The following DLGAP1 variants were observed in gnomAD, a reference collection of about 807,000 sequenced individuals.
DLGAP1 encodes disks large-associated protein 1.
In DLGAP1, 11 loss-of-function variants were observed where a neutral mutation model predicts 90.8. The observed-to-expected ratio is 0.12, with a 90% CI of 0.08 to 0.20. The LOEUF (loss-of-function observed/expected upper bound fraction) is 0.20, where lower values mean the gene tolerates loss of function less well. Ranked by LOEUF, DLGAP1 falls within the 10% of genes least tolerant of loss-of-function variation. The probability of loss-of-function intolerance (pLI) is 1.00; values close to 1 mark genes in which losing one functional copy is unlikely to be tolerated. For missense variants in DLGAP1, 1,050 were observed against 1,333.8 expected, an observed-to-expected ratio of 0.79 and a Z score of 3.31; for synonymous variants, 558 against 540.7, an observed-to-expected ratio of 1.03 and a Z score of -0.44.
chr18:4,245,550 A>AT (rs2078636652), intron 1 of DLGAP1, among the ~76,000 whole-genome samples: 2 of 152,194 alleles, frequency 1.3e-5, no homozygotes, highest in African/African-American at 4.8e-5. Context: ...CAAAGCTATT[A>AT]TTTTTTATAA....
At chr18:4,142,380 A>ACCCAAC (rs1410001520) in intron 2 of DLGAP1, among the ~76,000 whole-genome samples, 1 of 152,190 alleles carries the variant, frequency 6.6e-6, no homozygotes, top group African/African-American at 2.4e-5. Context: ...TCCAATTAAC[A>ACCCAAC]ACATTACCAC....
chr18:4,005,436 T>C (rs1365338854), intron 2 of DLGAP1, among the ~76,000 whole-genome samples: 1 of 152,220 alleles, frequency 6.6e-6, no homozygotes, highest in African/African-American at 2.4e-5. Context: ...AATTTCTTTG[T>C]TGTGTTTTGG....
At chr18:3,567,415 C>T (rs1295961015) in intron 9 of DLGAP1, 75 bp downstream of exon 9, 7 of 1,270,710 alleles carry the variant, frequency 5.5e-6, no homozygotes, top group Non-Finnish European at 7.9e-6. Context: ...ATTTTGTAGA[C>T]TTATCACGGG....
At chr18:4,284,816 G>A (rs1204033018) in intron 1 of DLGAP1, among the ~76,000 whole-genome samples, 5 of 152,152 alleles carry the variant, frequency 3.3e-5, no homozygotes, top group Non-Finnish European at 5.9e-5. Flanking sequence ...TAAAATATTA[G>A]GCTGAAGAAC....
At chr18:3,502,299 A>C in intron 12 of DLGAP1, 194 bp downstream of exon 12, 1 of 1,326,686 alleles carries the variant, frequency 7.5e-7, no homozygotes, top group Non-Finnish European at 9.7e-7. Flanking sequence ...TTTTTCTTTA[A>C]AAATATGCCT....
chr18:3,833,277 A>G (rs1424285200), intron 4 of DLGAP1, among the ~76,000 whole-genome samples: 5 of 146,534 alleles, frequency 3.4e-5, no homozygotes, highest in African/African-American at 5.1e-5. Context: ...TTTCTCCCCC[A>G]GGCTGGAGTG....
chr18:3,641,115 G>A lies in DLGAP1; in HGVS notation c.1592-58867C>T, dbSNP rs897924415. ...TAGTATTCCATACAAGTAAGACAAT[G>A]TATTATATGTAATACTATATGTGTG... On this transcript the variant is annotated intron_variant, in intron 7 of 12. Coordinates refer to ENST00000315677, the MANE Select transcript of DLGAP1 (RefSeq NM_004746.4). 7.9e-5 allele frequency among the ~76,000 whole-genome samples: 12 copies of A among 152,078 alleles called. No homozygotes were observed. In the South Asian group the frequency reaches 1.7e-3, roughly 21 times the overall value.
chr18:3,523,665 G>T (rs1385631889), intron 10 of DLGAP1, among the ~76,000 whole-genome samples: 2 of 151,918 alleles, frequency 1.3e-5, no homozygotes, highest in Admixed American at 6.6e-5. Context: ...GGCTAACACG[G>T]TGAAACCCCG....
rs1406891226 is a variant in DLGAP1, at chr18:4,454,623, T to A, written c.-267+383A>T. On this transcript the variant is annotated intron_variant, in intron 1 of 12. Transcript: ENST00000315677. The surrounding 1 kb of genome is among the most constrained non-coding windows in gnomAD (Gnocchi z 4.7). ...CCTGCAAGGTGCATCGGGGGTGGGG[T>A]GGGGGTGCGAATTTGACCGGTGGAC... 1.3e-5 allele frequency among the ~76,000 whole-genome samples: 2 copies of A among 150,528 alleles called. No individual in the cohort carries two copies. Among genetic ancestry groups the A allele is most frequent in the Non-Finnish European group, 3.0e-5 (2 of 67,646 alleles).
chr18:3,523,710 G>C (rs1315430227), intron 10 of DLGAP1, among the ~76,000 whole-genome samples: 1 of 152,066 alleles, frequency 6.6e-6, no homozygotes, highest in Non-Finnish European at 1.5e-5. Flanking sequence ...AGCCAGGCGT[G>C]GTGGCGTGCG....
intron 3 of DLGAP1, among the ~76,000 whole-genome samples, chr18:3,934,083 A>G (rs2072581222): frequency 6.6e-6 from 1 of 151,946 alleles, no homozygotes; most frequent in Non-Finnish European, 1.5e-5. Context: ...AGGTAAGAGT[A>G]ATTTTATTTA....
At chr18:3,942,399 C>G (rs2072787470) in intron 3 of DLGAP1, among the ~76,000 whole-genome samples, 1 of 152,232 alleles carries the variant, frequency 6.6e-6, no homozygotes, top group Non-Finnish European at 1.5e-5. Context: ...CTTTCCACCT[C>G]TGTATTACAG....
intron 7 of DLGAP1, among the ~76,000 whole-genome samples, chr18:3,622,103 G>A (rs2058114184): frequency 2.0e-5 from 3 of 151,488 alleles, no homozygotes; most frequent in Admixed American, 2.0e-4. Context: ...CTACAATTAA[G>A]CTGATTCTTT....
intron 2 of DLGAP1, among the ~76,000 whole-genome samples, chr18:4,147,571 T>TTCCA (rs140010625): frequency 0.048 from 7,034 of 147,826 alleles, 168 homozygotes; most frequent in East Asian, 0.062. Context: ...TCATCCATTC[T>TTCCA]TCCATCCATC....
At chr18:3,516,333 A>G (rs2050846189) in intron 10 of DLGAP1, among the ~76,000 whole-genome samples, 1 of 152,132 alleles carries the variant, frequency 6.6e-6, no homozygotes, top group Non-Finnish European at 1.5e-5. Context: ...TAAGCACATC[A>G]TGGAGAATGG....
intron 8 of DLGAP1, chr18:3,580,224 C>T (rs2055409243): frequency 2.5e-6 from 4 of 1,596,996 alleles, no homozygotes; most frequent in East Asian, 2.2e-5. Context: ...GGACATTCCC[C>T]TCAGGTGAAC....
chr18:3,962,496 A>C (rs917525507), intron 3 of DLGAP1: 1 of 152,178 alleles, frequency 6.6e-6, no homozygotes, highest in African/African-American at 2.4e-5. Flanking sequence ...ATTTATTTAT[A>C]TGTAAATATT....
intron 1 of DLGAP1, among the ~76,000 whole-genome samples, chr18:4,176,527 A>G (rs1448008132): frequency 1.3e-5 from 2 of 152,162 alleles, no homozygotes; most frequent in African/African-American, 4.8e-5. Context: ...ATCTAGGAGG[A>G]GCCTTCTTCA....
At chr18:4,314,792 G>A (rs1025564067) in intron 1 of DLGAP1, among the ~76,000 whole-genome samples, 3 of 152,146 alleles carry the variant, frequency 2.0e-5, no homozygotes, top group Non-Finnish European at 4.4e-5. Context: ...ACGTTAGGGC[G>A]TGGTGAAGAA....
Sources: allele counts gnomAD v4.1 joint callset (sites outside exome capture counted in the v4.1 genomes callset), GRCh38; gene constraint gnomAD v4.1.1; non-coding constraint Gnocchi (gnomAD v3.1); transcripts MANE v1.5; gene names NCBI Gene and HGNC (gene_info 2026-07-23, HGNC 2026-07-21).